PTPRO: variants seen among roughly 807,000 people sequenced by gnomAD.
PTPRO encodes the protein receptor-type tyrosine-protein phosphatase O.
In PTPRO, 62 loss-of-function variants were observed where a neutral mutation model predicts 145.2. That is an observed-to-expected ratio of 0.43 (90% CI 0.35 to 0.53). The LOEUF (loss-of-function observed/expected upper bound fraction) is 0.53. PTPRO is among the 20% of genes least tolerant of loss of function. PTPRO has a pLI of 0.01. For synonymous variants in PTPRO, 565 were observed against 514.7 expected, an observed-to-expected ratio of 1.10 and a Z score of -1.32; for missense variants, 1,345 against 1,482.7, an observed-to-expected ratio of 0.91 and a Z score of 1.53.
chr12:15,521,071 GT>G (rs1302632500), intron 10 of PTPRO, among the ~76,000 whole-genome samples: 1 of 152,152 alleles, frequency 6.6e-6, no homozygotes, highest in African/African-American at 2.4e-5. Context: ...AACCCTTGTG[GT>G]TTGAACTAAG....
intron 25 of PTPRO, among the ~76,000 whole-genome samples, chr12:15,594,654 T>C (rs1482757771): frequency 6.6e-6 from 1 of 152,046 alleles, no homozygotes; most frequent in Non-Finnish European, 1.5e-5. Flanking sequence ...GTCATCACAT[T>C]GTACACCTTA....
intron 9 of PTPRO, among the ~76,000 whole-genome samples, chr12:15,519,743 GA>G (rs1295999498): frequency 1.3e-5 from 2 of 152,260 alleles, no homozygotes; most frequent in East Asian, 3.9e-4. Context: ...AGATAATTTT[GA>G]AAAGTGTGGG....
chr12:15,570,909 A>G (rs1006435518), intron 19 of PTPRO, among the ~76,000 whole-genome samples: 2 of 152,206 alleles, frequency 1.3e-5, no homozygotes, highest in African/African-American at 4.8e-5. Context: ...AAACCCAAGC[A>G]TAACTATTAC....
intron 1 of PTPRO, among the ~76,000 whole-genome samples, chr12:15,376,604 A>G (rs1938695427): frequency 6.6e-6 from 1 of 152,178 alleles, no homozygotes; most frequent in South Asian, 2.1e-4. Context: ...GGCTTAAACA[A>G]CAAGTATTTG....
intron 1 of PTPRO, among the ~76,000 whole-genome samples, chr12:15,481,621 T>C (rs1274623315): frequency 6.6e-6 from 1 of 152,164 alleles, no homozygotes; most frequent in Admixed American, 6.5e-5. Context: ...CAGCTGGAAA[T>C]AACATGCAGT....
chr12:15,480,250 A>T (rs1247973897), intron 1 of PTPRO, among the ~76,000 whole-genome samples: 1 of 152,238 alleles, frequency 6.6e-6, no homozygotes, highest in African/African-American at 2.4e-5. Flanking sequence ...ACTTGGCTAC[A>T]TCCAAAACCT....
chr12:15,526,241 A>G lies in PTPRO; in HGVS notation c.2143A>G (p.Met715Val), dbSNP rs769028453. 1.9e-6 allele frequency: 3 copies of G among 1,613,904 alleles called. No homozygotes were observed. Among genetic ancestry groups the G allele is most frequent in the Admixed American group, 1.7e-5 (1 of 60,002 alleles). Residue 715 changes from methionine to valine, a missense_variant, in exon 12 of 27, where the codon ATG becomes GTG. Physicochemically the swap from Met to Val is conservative, Grantham distance 21 (BLOSUM62 1). This residue lies in a region of PTPRO where 1,130 missense variants were observed against 1,214.7 expected (regional missense o/e 0.93). Coordinates refer to ENST00000281171, the MANE Select transcript of PTPRO (RefSeq NM_030667.3). ...ACTERGSNTS[M>V]LRLVKLEPAP... The stretch of plus-strand genomic sequence containing the variant: ...TACTGAAAGAGGAAGTAATACCTCC[A>G]TGCTCCGCCTTGTCAAGCTAGGTAA...
intron 1 of PTPRO, among the ~76,000 whole-genome samples, chr12:15,364,175 T>G (rs1369370021): frequency 1.3e-5 from 2 of 152,198 alleles, no homozygotes; most frequent in Non-Finnish European, 2.9e-5. Context: ...GGCTTCAGTC[T>G]AGGAATATGA....
intron 4 of PTPRO, among the ~76,000 whole-genome samples, chr12:15,500,249 A>T (rs1341833660): frequency 1.3e-5 from 2 of 152,236 alleles, no homozygotes; most frequent in Non-Finnish European, 2.9e-5. Context: ...GATGAGCATC[A>T]GGAAGGGATT....
At chr12:15,538,706 C>G (rs1005216) in intron 12 of PTPRO, among the ~76,000 whole-genome samples, 41,486 of 152,166 alleles carry the variant, frequency 0.27, 5,781 homozygotes, top group Middle Eastern at 0.44. Flanking sequence ...AGTTGGTCTT[C>G]TAAGCAAAGG....
chr12:15,421,616 A>G (rs1347277026), intron 1 of PTPRO, among the ~76,000 whole-genome samples: 2 of 152,230 alleles, frequency 1.3e-5, no homozygotes, highest in Admixed American at 6.5e-5. Flanking sequence ...GTAGAGAAGA[A>G]GAAAGCAAAA....
chr12:15,561,933 A>G (rs549079961), intron 17 of PTPRO, among the ~76,000 whole-genome samples: 21 of 152,276 alleles, frequency 1.4e-4, no homozygotes, highest in Non-Finnish European at 2.4e-4. Flanking sequence ...TGATGAACAT[A>G]TGCTCAAATT....
intron 1 of PTPRO, among the ~76,000 whole-genome samples, chr12:15,419,942 T>G (rs888357289): frequency 2.0e-5 from 3 of 150,850 alleles, no homozygotes; most frequent in Admixed American, 6.6e-5. Context: ...GGTCAGGAGA[T>G]CGAGACAATC....
At chr12:15,372,309 G>A (rs1392954917) in intron 1 of PTPRO, among the ~76,000 whole-genome samples, 2 of 152,214 alleles carry the variant, frequency 1.3e-5, no homozygotes, top group East Asian at 3.9e-4. Context: ...GAATAAGCTA[G>A]AAAGAGCTTT....
At chr12:15,454,376 T>G (rs1256813619) in intron 1 of PTPRO, among the ~76,000 whole-genome samples, 2 of 152,234 alleles carry the variant, frequency 1.3e-5, no homozygotes. Context: ...GAAAAAAATG[T>G]CTATTTAAGG....
chr12:15,516,999 A>G, intron 9 of PTPRO, 43 bp downstream of exon 9: 1 of 1,526,302 alleles, frequency 6.6e-7, no homozygotes, highest in Non-Finnish European at 9.1e-7. Context: ...CTATGGGAAC[A>G]GGCAAACCTT....
chr12:15,527,900 G>A (rs1481256046), intron 12 of PTPRO, among the ~76,000 whole-genome samples: 3 of 102,126 alleles, frequency 2.9e-5, no homozygotes, highest in Non-Finnish European at 5.8e-5. Flanking sequence ...CCAGGAAAAG[G>A]ACAAAGCAAA....
At chr12:15,595,948 G>A (rs534701635) in intron 26 of PTPRO, 142 bp from the exon 27 acceptor site, 2 of 152,560 alleles carry the variant, frequency 1.3e-5, no homozygotes, top group East Asian at 3.9e-4. Context: ...CCACAGAAAG[G>A]AGGCAGCACA....
chr12:15,581,570 G>A (rs375822471), intron 22 of PTPRO, 109 bp from the exon 23 acceptor site: 120 of 1,298,778 alleles, frequency 9.2e-5, no homozygotes, highest in Non-Finnish European at 1.2e-4. Context: ...TCTTCACCAC[G>A]GTCCTATCTA....
Sources: gnomAD v4.1 joint callset for allele counts (sites outside exome capture counted in the v4.1 genomes callset) on GRCh38, gnomAD v4.1.1 for gene constraint, gnomAD v4.1.1 regional missense constraint, MANE v1.5 for transcripts, NCBI Gene and HGNC (gene_info 2026-07-23, HGNC 2026-07-21) for gene names.